COP1: variants seen among roughly 807,000 people sequenced by gnomAD.
COP1 encodes E3 ubiquitin-protein ligase COP1.
A neutral mutation model predicts 101.3 loss-of-function variants in COP1; 24 were observed. The observed-to-expected ratio is 0.24, with a 90% CI of 0.17 to 0.33. The LOEUF is 0.33. Among genes scored for constraint, COP1 ranks in the 10% least tolerant of loss-of-function variants. COP1 has a pLI of 1.00. For synonymous variants in COP1, 347 were observed against 341.9 expected (o/e 1.01, Z -0.17); for missense variants, 663 against 906.2 (o/e 0.73, Z 3.45).
chr1:175,988,553 C>T, intron 16 of COP1, 141 bp from the exon 17 acceptor site: 1 of 765,902 alleles, frequency 1.3e-6, no homozygotes, highest in Non-Finnish European at 2.0e-6. Flanking sequence ...CATCTGTCGG[C>T]CAGGCGTGGT....
intron 5 of COP1, 125 bp downstream of exon 5, chr1:176,162,744 G>T: frequency 1.4e-6 from 1 of 721,144 alleles, no homozygotes; most frequent in Non-Finnish European, 2.1e-6. Flanking sequence ...CTTTGTAGCT[G>T]TTTCTAGCTG....
chr1:175,965,787 T>G (rs546968523), intron 18 of COP1, among the ~76,000 whole-genome samples: 7 of 152,214 alleles, frequency 4.6e-5, no homozygotes, highest in Non-Finnish European at 8.8e-5. Context: ...TTTCATCATG[T>G]TGGTCAGGCT....
In COP1 at chr1:176,043,286, C is replaced by T; in HGVS notation, c.1531-19G>A. Reference sequence around the variant, plus strand: ...CATGCTCCTGGAAGCAGAAAGAAGACAGTAGCCTCAGATAGAATACAGATC... The same window carrying T: ...CATGCTCCTGGAAGCAGAAAGAAGATAGTAGCCTCAGATAGAATACAGATC... On this transcript the variant is annotated intron_variant, in intron 13 of 19. Transcript: ENST00000367669. 6.8e-7 allele frequency: 1 copy of T among 1,468,196 alleles called. No homozygotes were observed. Among genetic ancestry groups the T allele is most frequent in the Non-Finnish European group, 9.5e-7 (1 of 1,050,562 alleles). The allele number at this position is 1,468,196 out of a possible 1,614,324, so 90.9% of individuals were successfully genotyped here.
chr1:176,148,952 G>T, intron 6 of COP1, 54 bp downstream of exon 6: 1 of 1,124,636 alleles, frequency 8.9e-7, no homozygotes, highest in Non-Finnish European at 1.3e-6. Flanking sequence ...TACAAAATGG[G>T]AACAGTTAAC....
chr1:175,966,587 A>C (rs535421107), intron 18 of COP1, among the ~76,000 whole-genome samples: 1 of 152,328 alleles, frequency 6.6e-6, no homozygotes, highest in African/African-American at 2.4e-5. Flanking sequence ...ATATTGACCC[A>C]GTAAGCTTAT....
At chr1:176,047,583 ATG>A (rs1340073953) in intron 11 of COP1, among the ~76,000 whole-genome samples, 1 of 152,214 alleles carries the variant, frequency 6.6e-6, no homozygotes, top group African/African-American at 2.4e-5. Context: ...ATATCTATGT[ATG>A]TGTGTTTCTT....
At chr1:176,066,680 C>T (rs1440694307) in intron 11 of COP1, among the ~76,000 whole-genome samples, 1 of 152,124 alleles carries the variant, frequency 6.6e-6, no homozygotes, top group African/African-American at 2.4e-5. Context: ...AGGTCAATCA[C>T]CAAGATGAAA....
intron 18 of COP1, among the ~76,000 whole-genome samples, chr1:175,970,903 T>C (rs1247882721): frequency 3.3e-5 from 5 of 152,176 alleles, no homozygotes; most frequent in Non-Finnish European, 7.3e-5. Context: ...CAATGTTTGA[T>C]TGATTATCTC....
Position 176,054,571 on chromosome 1 carries a change from T to C in COP1, c.1278-8247A>G, listed in dbSNP as rs984801039. On this transcript the variant is annotated intron_variant, in intron 11 of 19. Coordinates refer to ENST00000367669, the MANE Select transcript of COP1 (RefSeq NM_022457.7). ...CCACTTATCAGTATTTATACCAACATATTTTGATATATTCTGTGGTCTTTC... is the reference window on the plus strand; with the variant it reads ...CCACTTATCAGTATTTATACCAACACATTTTGATATATTCTGTGGTCTTTC... Among the ~76,000 whole-genome samples the C allele has an allele frequency of 4.6e-5, 7 of 152,328 alleles. No homozygotes were observed. The South Asian group carries it at 6.2e-4, about 14-fold the overall frequency.
intron 10 of COP1, among the ~76,000 whole-genome samples, chr1:176,083,168 C>A (rs1317730383): frequency 6.6e-6 from 1 of 152,116 alleles, no homozygotes; most frequent in Non-Finnish European, 1.5e-5. Flanking sequence ...TATATGGAAT[C>A]CTATTACTGT....
intron 1 of COP1, 81 bp downstream of exon 1, chr1:176,206,491 C>G: frequency 1.3e-6 from 2 of 1,539,848 alleles, no homozygotes; most frequent in Non-Finnish European, 1.8e-6. Flanking sequence ...AAGCCACCCC[C>G]ACACCAGACC....
At chr1:175,946,067 G>A (rs770272690) in intron 19 of COP1, among the ~76,000 whole-genome samples, 23 of 152,318 alleles carry the variant, frequency 1.5e-4, no homozygotes, top group Admixed American at 3.9e-4. Context: ...GTAAGGTGTA[G>A]CTTTTCAATT....
chr1:176,048,793 T>C (rs986413564), intron 11 of COP1, among the ~76,000 whole-genome samples: 1 of 152,218 alleles, frequency 6.6e-6, no homozygotes, highest in Non-Finnish European at 1.5e-5. Context: ...TTTTAACATA[T>C]ATAATACGTT....
At chr1:176,196,969 T>C (rs761751294) in intron 1 of COP1, among the ~76,000 whole-genome samples, 1 of 151,590 alleles carries the variant, frequency 6.6e-6, no homozygotes. Context: ...AAAGAAAAAG[T>C]GAAACCAGCA....
At chr1:175,965,249 A>G (rs1651863297) in intron 18 of COP1, among the ~76,000 whole-genome samples, 1 of 152,206 alleles carries the variant, frequency 6.6e-6, no homozygotes. Context: ...GAACAATTTC[A>G]AATAAATTTG....
rs1357631965 is a variant in COP1, at chr1:175,956,905, C to T, written c.2134-9666G>A. Among the ~76,000 whole-genome samples, 8 of 151,786 alleles carry T rather than the reference C, an allele frequency of 5.3e-5. No homozygotes were observed. The South Asian group carries it at 1.3e-3, about 24-fold the overall frequency. The stretch of plus-strand genomic sequence containing the variant: ...TGTCCCTGAAGACATTCCGATGGGA[C>T]AAGATGTAGAAGACAGTGATGTTGA... On this transcript the variant is annotated intron_variant, in intron 18 of 19. Transcript: ENST00000367669.
At chr1:176,145,484 A>C (rs539355912) in intron 6 of COP1, among the ~76,000 whole-genome samples, 2 of 152,296 alleles carry the variant, frequency 1.3e-5, no homozygotes, top group Admixed American at 1.3e-4. Flanking sequence ...ATATCCTATG[A>C]CTCATCAATT....
intron 9 of COP1, among the ~76,000 whole-genome samples, chr1:176,101,824 TAGAC>T (rs1272265978): frequency 6.6e-6 from 1 of 152,166 alleles, no homozygotes; most frequent in African/African-American, 2.4e-5. Context: ...ATGGGACCCT[TAGAC>T]AGGCCTCTCA....
chr1:176,107,447 T>G (rs1160955238), intron 9 of COP1, among the ~76,000 whole-genome samples: 1 of 152,092 alleles, frequency 6.6e-6, no homozygotes, highest in Non-Finnish European at 1.5e-5. Flanking sequence ...TAGAAATATG[T>G]CAAAAGGATA....
Sources: allele counts gnomAD v4.1 joint callset (sites outside exome capture counted in the v4.1 genomes callset), GRCh38; gene constraint gnomAD v4.1.1; transcripts MANE v1.5; gene names NCBI Gene and HGNC (gene_info 2026-07-23, HGNC 2026-07-21).